The following KLRG2 variants were observed in gnomAD, a reference collection of about 807,000 sequenced individuals.
The protein encoded by KLRG2 is killer cell lectin like receptor G2.
In KLRG2, 39 loss-of-function variants were observed where a neutral mutation model predicts 35.4. The ratio of observed to expected loss-of-function variants is 1.10; its 90% CI spans 0.85 to 1.44. The LOEUF (loss-of-function observed/expected upper bound fraction) is 1.44. Ranked by LOEUF, KLRG2 falls within the 40% of genes most tolerant of loss-of-function variation. The pLI is 0.00. For missense variants in KLRG2, 632 were observed against 570.9 expected (o/e 1.11, Z -1.09); for synonymous variants, 283 against 265.8 (o/e 1.06, Z -0.63).
rs554009004 is a variant in KLRG2 at position 139,469,002 on chromosome 7, C to T, written c.1005+10625G>A. On this transcript the variant is annotated intron_variant, in intron 3 of 4. Transcript: ENST00000340940. ...GAGGACACAGGGAGAAGGGCCACTA[C>T]CTGAAAGCCAAGGAGAGGCCTCTGG... 8.7e-4 allele frequency among the ~76,000 whole-genome samples: 132 copies of T among 152,250 alleles called. 1 individual carries two copies. Among genetic ancestry groups the T allele is most frequent in the African/African-American group, 3.1e-3 (127 of 41,562 alleles).
At chr7:139,429,828 C>G in the KLRG2 span, among the ~76,000 whole-genome samples, 55 of 152,316 alleles carry the variant, frequency 3.6e-4, no homozygotes, top group East Asian at 3.9e-4. Context: ...CCTTCCCCCC[C>G]CTTTCTATTC....
At chr7:139,443,753 G>T in the KLRG2 span, among the ~76,000 whole-genome samples, 1 of 152,048 alleles carries the variant, frequency 6.6e-6, no homozygotes, top group African/African-American at 2.4e-5. Context: ...GTAGAGGCAG[G>T]GTTTCACCAT....
intron 3 of KLRG2, among the ~76,000 whole-genome samples, chr7:139,459,779 T>G (rs1445298453): frequency 1.3e-5 from 2 of 152,008 alleles, no homozygotes; most frequent in Non-Finnish European, 2.9e-5. Flanking sequence ...GAGACGGAGT[T>G]TTACTCTTCT....
chr7:139,429,520 G>T, the KLRG2 span, among the ~76,000 whole-genome samples: 1,847 of 151,878 alleles, frequency 0.012, 14 homozygotes, highest in Non-Finnish European at 0.019. Context: ...GGACCCTGCG[G>T]CCTTCCGCAG....
At chr7:139,455,470 C>T (rs990170484) in intron 3 of KLRG2, among the ~76,000 whole-genome samples, 4 of 152,026 alleles carry the variant, frequency 2.6e-5, no homozygotes, top group East Asian at 1.9e-4. Flanking sequence ...TACAGGCACC[C>T]GCCACCATGC....
chr7:139,470,724 C>A (rs888936485), intron 3 of KLRG2, among the ~76,000 whole-genome samples: 2 of 151,772 alleles, frequency 1.3e-5, no homozygotes, highest in South Asian at 2.1e-4. Flanking sequence ...CAGGAGAGTT[C>A]GAGGCTGCAG....
chr7:139,453,742 T>G (rs1317885818), intron 4 of KLRG2, 35 bp from the exon 5 acceptor site: 2 of 1,612,652 alleles, frequency 1.2e-6, no homozygotes, highest in Non-Finnish European at 1.7e-6. Flanking sequence ...AGGAGAGGTG[T>G]TTAGGGTGCC....
intron 1 of KLRG2, among the ~76,000 whole-genome samples, chr7:139,481,241 T>TA (rs1218718543): frequency 4.6e-5 from 7 of 152,204 alleles, no homozygotes; most frequent in Non-Finnish European, 8.8e-5. Flanking sequence ...AACTCGATTT[T>TA]AGACCAGTGA....
At chr7:139,480,439 C>CTTTTT (rs892455272) in intron 1 of KLRG2, among the ~76,000 whole-genome samples, 192 bp from the exon 2 acceptor site, 20 of 85,224 alleles carry the variant, frequency 2.3e-4, no homozygotes, top group African/African-American at 7.9e-4. Flanking sequence ...GCCAGATATT[C>CTTTTT]TTTTTTTTTT....
intron 3 of KLRG2, among the ~76,000 whole-genome samples, chr7:139,467,912 G>A (rs57509518): frequency 0.13 from 20,421 of 152,102 alleles, 1,548 homozygotes; most frequent in African/African-American, 0.22. Flanking sequence ...TCTCCTGCTC[G>A]TCACTGGGCA....
chr7:139,431,814 G>A, the KLRG2 span, among the ~76,000 whole-genome samples: 1 of 152,030 alleles, frequency 6.6e-6, no homozygotes, highest in Non-Finnish European at 1.5e-5. Context: ...GCAAAGGTAT[G>A]CTCTAAAGTA....
downstream of KLRG2, among the ~76,000 whole-genome samples, chr7:139,449,145 T>C (rs150291682): frequency 4.1e-3 from 616 of 149,790 alleles, 5 homozygotes; most frequent in African/African-American, 0.014. Flanking sequence ...CTCACGCCTG[T>C]AATCCCAGCA....
intron 3 of KLRG2, among the ~76,000 whole-genome samples, chr7:139,467,166 C>T (rs1464900364): frequency 4.6e-5 from 7 of 152,096 alleles, no homozygotes; most frequent in Non-Finnish European, 1.0e-4. Context: ...CCCCTAATCC[C>T]GCTCGAAGCA....
At chr7:139,448,000 CT>C (rs1357915005), downstream of KLRG2, among the ~76,000 whole-genome samples, 1 of 152,002 alleles carries the variant, frequency 6.6e-6, no homozygotes, top group East Asian at 1.9e-4. Context: ...TTTCTCCTTT[CT>C]TTTCTTGTCA....
At chr7:139,443,135 C>T in the KLRG2 span, among the ~76,000 whole-genome samples, 3 of 130,892 alleles carry the variant, frequency 2.3e-5, no homozygotes, top group African/African-American at 3.3e-5. Context: ...TGCTGTGTTG[C>T]CCAGGCTGGA....
At chr7:139,458,242 G>A (rs1796509518) in intron 3 of KLRG2, among the ~76,000 whole-genome samples, 1 of 151,938 alleles carries the variant, frequency 6.6e-6, no homozygotes, top group Non-Finnish European at 1.5e-5. Flanking sequence ...ACCAGGTGTG[G>A]TGGCACGCTC....
At chr7:139,482,367 TAGGGGAGGATGAGA>T (rs1796975397) in intron 1 of KLRG2, among the ~76,000 whole-genome samples, 2 of 151,798 alleles carry the variant, frequency 1.3e-5, no homozygotes, top group South Asian at 4.2e-4. Context: ...GGAGTGCGGG[TAGGGGAGGATGAGA>T]AGGGGAGTGG....
At chr7:139,469,793 C>A (rs1796726136) in intron 3 of KLRG2, among the ~76,000 whole-genome samples, 1 of 152,144 alleles carries the variant, frequency 6.6e-6, no homozygotes, top group Non-Finnish European at 1.5e-5. Context: ...AAATGGAAGA[C>A]TACAGGACTA....
At chr7:139,439,398 G>T in the KLRG2 span, among the ~76,000 whole-genome samples, 1 of 152,200 alleles carries the variant, frequency 6.6e-6, no homozygotes, top group African/African-American at 2.4e-5. Context: ...AGCTTTCTGG[G>T]GGGCTGTCAA....
Sources: gnomAD v4.1 joint callset for allele counts (sites outside exome capture counted in the v4.1 genomes callset) on GRCh38, gnomAD v4.1.1 for gene constraint, MANE v1.5 for transcripts, NCBI Gene and HGNC (gene_info 2026-07-23, HGNC 2026-07-21) for gene names.